SCN10A: variants seen among roughly 807,000 people sequenced by gnomAD.
SCN10A encodes the protein sodium channel protein type 10 subunit alpha.
Under a neutral mutation model 170.7 loss-of-function variants are expected in SCN10A, and 162 were observed. The observed-to-expected ratio is 0.95, with a 90% CI of 0.84 to 1.08. SCN10A has a LOEUF of 1.08. SCN10A is among the 50% of genes least tolerant of loss of function. The probability of loss-of-function intolerance (pLI) is 0.00; values close to 1 mark genes in which losing one functional copy is unlikely to be tolerated. For missense variants in SCN10A, 2,527 were observed against 2,436.9 expected (o/e 1.04, Z -0.78); for synonymous variants, 985 against 904.6 (o/e 1.09, Z -1.59).
intron 19 of SCN10A, among the ~76,000 whole-genome samples, chr3:38,723,067 T>A (rs1265885877): frequency 6.6e-6 from 1 of 152,346 alleles, no homozygotes; most frequent in South Asian, 2.1e-4. Flanking sequence ...AGATACATCA[T>A]GGCCTTCCTC....
chr3:38,748,097 G>A (rs75161427), intron 13 of SCN10A, among the ~76,000 whole-genome samples: 8,872 of 152,116 alleles, frequency 0.058, 320 homozygotes, highest in East Asian at 0.1. Flanking sequence ...AACAGTTTTC[G>A]AGAATAAATG....
At position 38,761,333 on chromosome 3, in the gene SCN10A, C is replaced by G. The variant is rs754623438; in HGVS notation, c.742G>C (p.Asp248His). 6 of 1,613,794 alleles carry G rather than the reference C, an allele frequency of 3.7e-6. No homozygotes were observed. The African/African-American group carries it at 6.7e-5, about 18-fold the overall frequency. ...ALIHSVKKLADVTILTIFCLS... is the reference protein window; with the variant it reads ...ALIHSVKKLAHVTILTIFCLS... Reference sequence around the variant, plus strand: ...CAGAAGATGGTGAGGATGGTCACATCAGCCAGTTTCTTCACTGAGTGAATC... The same window carrying G: ...CAGAAGATGGTGAGGATGGTCACATGAGCCAGTTTCTTCACTGAGTGAATC... Residue 248 changes from aspartate to histidine, a missense_variant, in exon 7 of 28, where the codon GAT becomes CAT. Coordinates refer to ENST00000449082, the MANE Select transcript of SCN10A (RefSeq NM_006514.4).
intron 26 of SCN10A, among the ~76,000 whole-genome samples, chr3:38,702,842 A>G (rs1001779421): frequency 2.6e-5 from 4 of 152,178 alleles, no homozygotes; most frequent in African/African-American, 4.8e-5. Context: ...GATCATTTAT[A>G]TCTGGTTATT....
At chr3:38,796,760 T>C (rs538454623) in intron 1 of SCN10A, among the ~76,000 whole-genome samples, 22 of 152,308 alleles carry the variant, frequency 1.4e-4, no homozygotes, top group Admixed American at 1.0e-3. Context: ...ATGAAGTCTA[T>C]GTTAGGATTC....
intron 4 of SCN10A, 21 bp from the exon 5 acceptor site, chr3:38,771,428 G>T: frequency 6.2e-7 from 1 of 1,612,462 alleles, no homozygotes; most frequent in Non-Finnish European, 8.5e-7. Flanking sequence ...GGGTAGAAAA[G>T]GAGTGTCAAC....
At chr3:38,759,383 C>T (rs926189337) in intron 8 of SCN10A, among the ~76,000 whole-genome samples, 4 of 152,056 alleles carry the variant, frequency 2.6e-5, no homozygotes, top group African/African-American at 9.7e-5. Context: ...ATGGTCTTCG[C>T]TGAAACTATC....
At chr3:38,700,580 A>G (rs564812162) in intron 27 of SCN10A, among the ~76,000 whole-genome samples, 1 of 152,340 alleles carries the variant, frequency 6.6e-6, no homozygotes, top group South Asian at 2.1e-4. Flanking sequence ...TTAAACATGT[A>G]TAGCTTTTTA....
chr3:38,724,854 T>C (rs1461277391), intron 18 of SCN10A, among the ~76,000 whole-genome samples: 1 of 152,184 alleles, frequency 6.6e-6, no homozygotes, highest in Non-Finnish European at 1.5e-5. Flanking sequence ...CCATTCAGTT[T>C]CATAGATGAA....
At chr3:38,746,155 T>C (rs1044931102) in intron 13 of SCN10A, among the ~76,000 whole-genome samples, 1 of 145,828 alleles carries the variant, frequency 6.9e-6, no homozygotes, top group Non-Finnish European at 1.5e-5. Flanking sequence ...AACTTCCTAC[T>C]GGACACCCCT....
intron 25 of SCN10A, among the ~76,000 whole-genome samples, chr3:38,708,471 A>G (rs760408414): frequency 1.2e-4 from 18 of 152,218 alleles, no homozygotes; most frequent in Non-Finnish European, 2.4e-4. Flanking sequence ...TCCCAGACCT[A>G]TCCTGTCCTC....
At chr3:38,711,303 A>G (rs2063271498) in intron 23 of SCN10A, among the ~76,000 whole-genome samples, 1 of 152,178 alleles carries the variant, frequency 6.6e-6, no homozygotes, top group South Asian at 2.1e-4. Context: ...TTCCAGATGG[A>G]GAAGTTGAGA....
chr3:38,806,958 A>G (rs1315675647), intron 1 of SCN10A, among the ~76,000 whole-genome samples: 1 of 152,120 alleles, frequency 6.6e-6, no homozygotes, highest in East Asian at 1.9e-4. Context: ...AATCCCTTCT[A>G]TCTTGACAAG....
Position 38,816,058 on chromosome 3 carries a change from G to T in SCN10A, c.-54C>A, listed in dbSNP as rs574374029. ...AAACCTTTGCTGCTCAATCTTGCTT[G>T]TCTTCTACGTAAGAAATATCTTCTC... On this transcript the variant is annotated 5_prime_UTR_variant, in exon 1 of 28. Coordinates refer to ENST00000449082, the MANE Select transcript of SCN10A (RefSeq NM_006514.4). The T allele has an allele frequency of 6.6e-6, 1 of 152,230 alleles. No individual in the cohort carries two copies. Among genetic ancestry groups the T allele is most frequent in the Non-Finnish European group, 1.5e-5 (1 of 68,050 alleles). 9.4% of individuals were successfully genotyped at this position (152,230 alleles called of 1,614,324 possible). A position where few individuals can be genotyped will look rare whatever the true frequency, so the allele number is the denominator to read the frequency against.
chr3:38,790,626 C>A (rs2064269280), intron 3 of SCN10A, among the ~76,000 whole-genome samples: 1 of 151,766 alleles, frequency 6.6e-6, no homozygotes, highest in African/African-American at 2.4e-5. Flanking sequence ...GCAGAGACGA[C>A]ACATTGAGAG....
intron 27 of SCN10A, 30 bp from the exon 28 acceptor site, chr3:38,698,592 A>G: frequency 6.3e-7 from 1 of 1,594,818 alleles, no homozygotes; most frequent in Non-Finnish European, 8.6e-7. Flanking sequence ...TTATCTAATT[A>G]GTATCTCCAG....
intron 3 of SCN10A, 116 bp downstream of exon 3, chr3:38,791,934 G>T: frequency 2.2e-6 from 3 of 1,355,212 alleles, no homozygotes; most frequent in Non-Finnish European, 3.0e-6. Context: ...TGACCTCATT[G>T]TACTTTTGGG....
At position 38,750,030 on chromosome 3, in the gene SCN10A, C is replaced by A. The variant is rs146266397; in HGVS notation, c.1867+43G>T. ...TGCTTCTGCTGCTCACATGGGAATT[C>A]ATCATGACACAGTGGATGAACAATG... On this transcript the variant is annotated intron_variant, in intron 13 of 27. Coordinates refer to ENST00000449082, the MANE Select transcript of SCN10A (RefSeq NM_006514.4). 6.3e-6 allele frequency: 7 copies of A among 1,103,172 alleles called. No homozygotes were observed. The African/African-American group carries it at 7.6e-5, about 12-fold the overall frequency. The allele number at this position is 1,103,172 out of a possible 1,614,324, so 68.3% of individuals were successfully genotyped here. A position where few individuals can be genotyped will look rare whatever the true frequency, so the allele number is the denominator to read the frequency against.
chr3:38,716,462 C>A (rs188399816), intron 21 of SCN10A, among the ~76,000 whole-genome samples: 7 of 152,240 alleles, frequency 4.6e-5, no homozygotes, highest in Non-Finnish European at 8.8e-5. Flanking sequence ...CCACATAAGA[C>A]GTGACTCGCA....
chr3:38,749,660 T>C (rs1321363948), intron 13 of SCN10A, among the ~76,000 whole-genome samples: 1 of 152,220 alleles, frequency 6.6e-6, no homozygotes, highest in Non-Finnish European at 1.5e-5. Context: ...CTGTGTAAGT[T>C]ACAACCATGA....
Sources: gnomAD v4.1 joint callset for allele counts (sites outside exome capture counted in the v4.1 genomes callset) on GRCh38, gnomAD v4.1.1 for gene constraint, MANE v1.5 for transcripts, NCBI Gene and HGNC (gene_info 2026-07-23, HGNC 2026-07-21) for gene names.